The following TENM2 variants were observed in gnomAD, a reference collection of about 807,000 sequenced individuals.
The protein encoded by TENM2 is teneurin-2.
Under a neutral mutation model 245.2 loss-of-function variants are expected in TENM2, and 52 were observed. That is an observed-to-expected ratio of 0.21 (90% CI 0.17 to 0.27). The LOEUF is 0.27. Among genes scored for constraint, TENM2 ranks in the 10% least tolerant of loss-of-function variants. The pLI, the probability that TENM2 is intolerant of heterozygous loss-of-function variation, is 1.00. For missense variants in TENM2, 3,046 were observed against 3,666.8 expected (o/e 0.83, Z 4.37); for synonymous variants, 1,363 against 1,438.9 (o/e 0.95, Z 1.19).
At chr5:167,014,975 G>A in the TENM2 span, among the ~76,000 whole-genome samples, 21 of 152,140 alleles carry the variant, frequency 1.4e-4, no homozygotes, top group Non-Finnish European at 2.4e-4. Flanking sequence ...TGTTAAAAAG[G>A]TTCTAAAAAA....
At chr5:168,088,890 C>T (rs1792688031) in intron 7 of TENM2, among the ~76,000 whole-genome samples, 1 of 152,130 alleles carries the variant, frequency 6.6e-6, no homozygotes, top group African/African-American at 2.4e-5. Context: ...GAGTTTCATT[C>T]TGTGAAGTTC....
chr5:167,422,371 A>T, intron 2 of TENM2, among the ~76,000 whole-genome samples: 1 of 152,202 alleles, frequency 6.6e-6, no homozygotes, highest in Non-Finnish European at 1.5e-5. Flanking sequence ...AGATCTAGTT[A>T]TTCATGCAGA....
chr5:167,281,395 G>A (rs541589781), upstream of TENM2, among the ~76,000 whole-genome samples: 7 of 151,746 alleles, frequency 4.6e-5, no homozygotes, highest in East Asian at 2.0e-4. Flanking sequence ...GATTATAGAC[G>A]TGAGCCACCG....
At chr5:167,825,636 C>A (rs907292543) in intron 2 of TENM2, among the ~76,000 whole-genome samples, 9 of 152,122 alleles carry the variant, frequency 5.9e-5, no homozygotes, top group African/African-American at 2.2e-4. Flanking sequence ...GACAGACTTG[C>A]GATCCCACGG....
chr5:167,960,748 T>TA lies in TENM2; in HGVS notation c.947+7933dup, dbSNP rs555106074. On this transcript the variant is annotated intron_variant, in intron 4 of 28. Transcript: ENST00000518659. Reference sequence around the variant, plus strand: ...GTTCCAGTCACCTCTGTGGTATTAATAAAAAAACTCCTGCAGCTAACTCAG... The same window carrying TA: ...GTTCCAGTCACCTCTGTGGTATTAATAAAAAAAACTCCTGCAGCTAACTCAG... Among the ~76,000 whole-genome samples, 41 of 152,192 alleles carry TA rather than the reference T, an allele frequency of 2.7e-4. No homozygotes were observed. The East Asian group carries it at 6.0e-3, about 22-fold the overall frequency.
At chr5:167,615,822 A>T (rs1353818499) in intron 2 of TENM2, among the ~76,000 whole-genome samples, 2 of 152,078 alleles carry the variant, frequency 1.3e-5, no homozygotes, top group Admixed American at 6.6e-5. Context: ...GGAAATAGAG[A>T]CCAAAACCAG....
In TENM2 at chr5:167,449,768, A is replaced by G. The variant is rs570597806; in HGVS notation, c.502+74295A>G. On this transcript the variant is annotated intron_variant, in intron 2 of 28. Coordinates refer to ENST00000518659, the Ensembl canonical transcript of TENM2. ...AGGCCAGGAGTTCAAGACCAGTCTC[A>G]CCAATACAGTGAAGCCCTGTCTCTA... 2.6e-5 allele frequency among the ~76,000 whole-genome samples: 4 copies of G among 152,222 alleles called. No homozygotes were observed. In the South Asian group the frequency reaches 8.3e-4, roughly 32 times the overall value.
chr5:166,982,327 A>T, the TENM2 span, among the ~76,000 whole-genome samples: 1 of 152,146 alleles, frequency 6.6e-6, no homozygotes, highest in Admixed American at 6.5e-5. Flanking sequence ...TGCTATAGCT[A>T]CTGAATGTTT....
At chr5:167,655,761 A>T (rs1207049049) in intron 2 of TENM2, among the ~76,000 whole-genome samples, 1 of 152,198 alleles carries the variant, frequency 6.6e-6, no homozygotes, top group Non-Finnish European at 1.5e-5. Context: ...TCAGCAAACA[A>T]ATTGGACTGA....
the TENM2 span, among the ~76,000 whole-genome samples, chr5:167,085,062 G>A: frequency 6.6e-6 from 1 of 152,090 alleles, no homozygotes. Flanking sequence ...AAGTAATAAA[G>A]AAATTCCTCT....
chr5:167,699,883 G>A, intron 2 of TENM2, among the ~76,000 whole-genome samples: 1 of 152,160 alleles, frequency 6.6e-6, no homozygotes, highest in Non-Finnish European at 1.5e-5. Flanking sequence ...ATGCAAATGA[G>A]AAACCTGAGG....
chr5:167,297,808 G>C (rs1168685425), intron 1 of TENM2, among the ~76,000 whole-genome samples: 1 of 152,110 alleles, frequency 6.6e-6, no homozygotes, highest in African/African-American at 2.4e-5. Context: ...AAGGGGGGTT[G>C]TTCTCTGGTG....
At chr5:167,072,457 A>T in the TENM2 span, among the ~76,000 whole-genome samples, 1 of 152,142 alleles carries the variant, frequency 6.6e-6, no homozygotes, top group East Asian at 1.9e-4. Context: ...GTCATCAGTC[A>T]TTAGGAGATG....
chr5:167,063,560 G>A, the TENM2 span, among the ~76,000 whole-genome samples: 1 of 152,126 alleles, frequency 6.6e-6, no homozygotes, highest in African/African-American at 2.4e-5. Context: ...ATTTTTCTCT[G>A]TCAATGGCTT....
intron 2 of TENM2, among the ~76,000 whole-genome samples, chr5:167,395,506 A>G (rs922053840): frequency 1.3e-5 from 2 of 151,998 alleles, no homozygotes; most frequent in Admixed American, 1.3e-4. Context: ...TTTCTTGTCT[A>G]CTTGCTTTGC....
intron 2 of TENM2, among the ~76,000 whole-genome samples, chr5:167,782,344 A>G (rs1451131741): frequency 6.6e-6 from 1 of 150,944 alleles, no homozygotes; most frequent in South Asian, 2.1e-4. Context: ...AAAAAATTAA[A>G]AAGAAAATAA....
At chr5:167,066,079 A>G in the TENM2 span, among the ~76,000 whole-genome samples, 1 of 152,130 alleles carries the variant, frequency 6.6e-6, no homozygotes, top group Non-Finnish European at 1.5e-5. Flanking sequence ...GTGCTGGGCA[A>G]GGGAGTGCGG....
chr5:167,210,609 G>A, the TENM2 span, among the ~76,000 whole-genome samples: 30,038 of 150,310 alleles, frequency 0.2, 3,317 homozygotes, highest in African/African-American at 0.32. Flanking sequence ...GACTACAGGC[G>A]CCCGCCACCG....
intron 4 of TENM2, among the ~76,000 whole-genome samples, chr5:167,990,887 C>A (rs1783615384): frequency 6.6e-6 from 1 of 152,176 alleles, no homozygotes; most frequent in Admixed American, 6.5e-5. Flanking sequence ...GTAATGATAG[C>A]AATCCTGCCT....
Sources: allele counts gnomAD v4.1 joint callset (sites outside exome capture counted in the v4.1 genomes callset), GRCh38; gene constraint gnomAD v4.1.1; transcripts MANE v1.5; gene names NCBI Gene and HGNC (gene_info 2026-07-23, HGNC 2026-07-21).